The following LRTM3 variants were observed in gnomAD, a reference collection of about 807,000 sequenced individuals.
The protein encoded by LRTM3 is leucine rich repeat transmembrane protein 3, also known as leucine-rich repeat transmembrane protein 3.
the LRTM3 span, chr13:102,735,289 G>T: frequency 1.5e-5 from 23 of 1,551,158 alleles, no homozygotes; most frequent in Non-Finnish European, 1.9e-5. Context: ...TCTGTAGCAG[G>T]TGTGCTTTTA....
At chr13:102,736,905 G>A in the LRTM3 span, 2 of 1,550,972 alleles carry the variant, frequency 1.3e-6, no homozygotes. Context: ...TGCCATGAGG[G>A]TGGAAGAAAA....
At chr13:102,737,488 A>G in the LRTM3 span, 2 of 1,550,336 alleles carry the variant, frequency 1.3e-6, no homozygotes, top group Non-Finnish European at 1.7e-6. Context: ...GTTGCTCTTC[A>G]GTTTCTCCAT....
At chr13:102,749,425 G>A in the LRTM3 span, 3 of 1,551,276 alleles carry the variant, frequency 1.9e-6, no homozygotes, top group African/African-American at 2.7e-5. Context: ...GAGTTAAAAC[G>A]AGAAATTCAG....
At chr13:102,735,993 A>G in the LRTM3 span, 4 of 1,549,844 alleles carry the variant, frequency 2.6e-6, no homozygotes, top group South Asian at 2.4e-5. Flanking sequence ...TCTGCCCTCA[A>G]ATGTATCCTT....
At chr13:102,749,372 C>T in the LRTM3 span, 1 of 1,551,376 alleles carries the variant, frequency 6.4e-7, no homozygotes, top group Non-Finnish European at 8.7e-7. Context: ...TGCTTTTACA[C>T]TCCTTAGTTG....
the LRTM3 span, among the ~76,000 whole-genome samples, chr13:102,757,661 A>G: frequency 1.6e-4 from 25 of 152,278 alleles, no homozygotes; most frequent in African/African-American, 6.0e-4. Context: ...ATGTTCATTC[A>G]TCCTTTAAAA....
the LRTM3 span, chr13:102,740,734 G>A: frequency 6.5e-7 from 1 of 1,548,464 alleles, no homozygotes; most frequent in Non-Finnish European, 8.7e-7. Context: ...GAAGAGCCTT[G>A]TATGTATATT....
chr13:102,754,295 G>C, the LRTM3 span, among the ~76,000 whole-genome samples: 2 of 131,916 alleles, frequency 1.5e-5, no homozygotes, highest in African/African-American at 5.3e-5. Context: ...TTTGCTCACT[G>C]AGACTATGCC....
At chr13:102,731,894 T>G in the LRTM3 span, 1 of 1,549,388 alleles carries the variant, frequency 6.5e-7, no homozygotes, top group Non-Finnish European at 8.7e-7. Context: ...TAGAATCTTT[T>G]CTTCCTGCTC....
At chr13:102,741,857 C>T in the LRTM3 span, 1 of 1,550,408 alleles carries the variant, frequency 6.4e-7, no homozygotes, top group Non-Finnish European at 8.7e-7. Context: ...ATCGAAACTA[C>T]TGTAATTGAT....
At chr13:102,731,343 A>T in the LRTM3 span, 548 of 1,551,338 alleles carry the variant, frequency 3.5e-4, 2 homozygotes, top group African/African-American at 6.5e-3. Flanking sequence ...TTATCTTTTG[A>T]AATAGTCCCT....
the LRTM3 span, chr13:102,742,884 C>T: frequency 6.4e-7 from 1 of 1,550,840 alleles, no homozygotes; most frequent in Non-Finnish European, 8.7e-7. Context: ...TTTGATATGG[C>T]ATCATCTGTT....
the LRTM3 span, chr13:102,740,189 A>G: frequency 6.5e-7 from 1 of 1,548,408 alleles, no homozygotes; most frequent in East Asian, 2.4e-5. Flanking sequence ...TAAATCAAAG[A>G]CCTGTACCCC....
the LRTM3 span, chr13:102,749,004 C>G: frequency 6.4e-7 from 1 of 1,550,694 alleles, no homozygotes; most frequent in Admixed American, 2.0e-5. Context: ...CCCGGCATGA[C>G]TTTCACTAGT....
the LRTM3 span, chr13:102,739,205 C>T: frequency 1.8e-4 from 279 of 1,549,800 alleles, no homozygotes; most frequent in Non-Finnish European, 2.2e-4. Context: ...TTTATTGCTC[C>T]GTTGTGGTTC....
the LRTM3 span, chr13:102,748,942 T>C: frequency 1.1e-3 from 1,708 of 1,550,676 alleles, 15 homozygotes; most frequent in African/African-American, 0.018. Flanking sequence ...TGATTTTCTC[T>C]GTATCTGGTG....
the LRTM3 span, among the ~76,000 whole-genome samples, chr13:102,756,605 C>T: frequency 1.2e-4 from 15 of 130,112 alleles, 1 homozygote; most frequent in East Asian, 3.5e-3. Flanking sequence ...ACCCAGGAGG[C>T]GGAGGTTGCA....
At chr13:102,737,456 G>A in the LRTM3 span, 3 of 1,550,204 alleles carry the variant, frequency 1.9e-6, no homozygotes, top group Non-Finnish European at 2.6e-6. Flanking sequence ...CTCTTGCTCT[G>A]TGCCTACTCC....
chr13:102,752,765 T>C, the LRTM3 span, among the ~76,000 whole-genome samples: 2 of 152,242 alleles, frequency 1.3e-5, no homozygotes, highest in East Asian at 3.8e-4. Flanking sequence ...TGACCATATT[T>C]GTAGACGTGG....
Sources: allele counts gnomAD v4.1 joint callset (sites outside exome capture counted in the v4.1 genomes callset), GRCh38; gene constraint gnomAD v4.1.1; transcripts MANE v1.5; gene names NCBI Gene and HGNC (gene_info 2026-07-23, HGNC 2026-07-21).